ATP13A4: variants seen among roughly 807,000 people sequenced by gnomAD.
ATP13A4 encodes ATPase 13A4.
ATP13A4 carries 114 observed loss-of-function variants against 142.5 expected under a neutral mutation model. That is an observed-to-expected ratio of 0.80 (90% CI 0.69 to 0.93). The LOEUF (loss-of-function observed/expected upper bound fraction) is 0.93. ATP13A4 is among the 40% of genes least tolerant of loss of function. ATP13A4 has a pLI of 0.00. For missense variants in ATP13A4, 1,392 were observed against 1,454.0 expected, an observed-to-expected ratio of 0.96 and a Z score of 0.69; for synonymous variants, 488 against 514.8, an observed-to-expected ratio of 0.95 and a Z score of 0.70.
rs775434819 is a variant in ATP13A4 at position 193,457,227 on chromosome 3, C to T, written c.1762-74G>A. The T allele has an allele frequency of 2.5e-5, 40 of 1,591,536 alleles. No individual in the cohort carries two copies. In the East Asian group the frequency reaches 4.2e-4, roughly 17 times the overall value. ...GCTACTGGGAATTAACCACTCCTTC[C>T]GTAATATTCATTTTAACAAATAAGG... On this transcript the variant is annotated intron_variant, in intron 15 of 29. Transcript: ENST00000342695.
chr3:193,476,400 G>T (rs1448536413), intron 8 of ATP13A4, among the ~76,000 whole-genome samples: 1 of 152,060 alleles, frequency 6.6e-6, no homozygotes, highest in Non-Finnish European at 1.5e-5. Flanking sequence ...GCCTGACTCT[G>T]GATTGGGCTT....
intron 28 of ATP13A4, among the ~76,000 whole-genome samples, chr3:193,407,940 C>G (rs1048664601): frequency 1.3e-5 from 2 of 152,246 alleles, no homozygotes; most frequent in African/African-American, 4.8e-5. Context: ...CATCCAGCTG[C>G]ACAGTGTGCC....
chr3:193,488,930 C>T (rs1214335978), intron 7 of ATP13A4, among the ~76,000 whole-genome samples: 1 of 151,968 alleles, frequency 6.6e-6, no homozygotes, highest in Non-Finnish European at 1.5e-5. Flanking sequence ...CAAGCACTGG[C>T]GAAGGGCACT....
chr3:193,432,215 C>T (rs546941281), intron 25 of ATP13A4, among the ~76,000 whole-genome samples: 3 of 151,934 alleles, frequency 2.0e-5, no homozygotes, highest in Non-Finnish European at 4.4e-5. Flanking sequence ...AATGGAACCA[C>T]TACAAACCTA....
intron 2 of ATP13A4, among the ~76,000 whole-genome samples, chr3:193,576,771 G>A (rs558333385): frequency 2.0e-5 from 3 of 152,224 alleles, no homozygotes; most frequent in African/African-American, 2.4e-5. Flanking sequence ...TGAAGAACCC[G>A]ACCTGGAGGC....
intron 1 of ATP13A4, among the ~76,000 whole-genome samples, chr3:193,551,742 G>C (rs559227288): frequency 1.3e-5 from 2 of 152,274 alleles, no homozygotes; most frequent in African/African-American, 4.8e-5. Context: ...CTCCCGTCCC[G>C]TCCCAGTGCT....
chr3:193,591,755 C>CT lies in ATP13A4; in HGVS notation n.91+1265dup, dbSNP rs547183388. Among the ~76,000 whole-genome samples the CT allele has an allele frequency of 6.0e-3, 907 of 152,164 alleles. 4 individuals are homozygous for CT. The highest frequency in any genetic ancestry group is 7.6e-3 in the Non-Finnish European group (514 of 67,992). ...AAATGGTGATGGTGGTTAGTTTCTC[C>CT]TTTTTTTATGGTTAAAGTCTTTTAT... On this transcript the variant is annotated intron_variant and non_coding_transcript_variant, in intron 1 of 3. Coordinates refer to the ATP13A4 transcript ENST00000489140.
chr3:193,452,631 A>G (rs1717347152), intron 17 of ATP13A4, among the ~76,000 whole-genome samples: 1 of 149,866 alleles, frequency 6.7e-6, no homozygotes, highest in Non-Finnish European at 1.5e-5. Context: ...TGCACAATGA[A>G]TAATTATCCT....
chr3:193,543,316 A>C (rs900655420), intron 1 of ATP13A4, among the ~76,000 whole-genome samples: 30 of 152,352 alleles, frequency 2.0e-4, no homozygotes, highest in African/African-American at 7.0e-4. Flanking sequence ...GCTTCTGCAC[A>C]ACAAAAGAAA....
chr3:193,535,822 A>G (rs1722562932), intron 1 of ATP13A4, among the ~76,000 whole-genome samples: 1 of 152,150 alleles, frequency 6.6e-6, no homozygotes, highest in Admixed American at 6.5e-5. Flanking sequence ...TGGAAAATTT[A>G]AAAACAAGAA....
intron 25 of ATP13A4, among the ~76,000 whole-genome samples, chr3:193,421,601 C>G (rs1409988607): frequency 6.7e-6 from 1 of 149,534 alleles, no homozygotes; most frequent in Non-Finnish European, 1.5e-5. Flanking sequence ...ATAGTAACTA[C>G]AATACATTGT....
rs1425406815 is a variant in ATP13A4, at chr3:193,470,932, C to T, written c.870G>A (p.Gly290=). 1.9e-6 allele frequency: 3 copies of T among 1,614,134 alleles called. No homozygotes were observed. Among genetic ancestry groups the T allele is most frequent in the South Asian group, 1.1e-5 (1 of 91,088 alleles). ...CATCACATGGCATTAGCACTTTGTT[C>T]CCTGTCAAAATTAATAAATCTCCAG... The part of the protein sequence containing the change: ...LVPGDLLILT[G]NKVLMPCDAV... The change falls in exon 9 of 30, where the codon GGG becomes GGA. Residue 290 remains glycine (G), a synonymous_variant. Transcript: ENST00000342695.
intron 1 of ATP13A4, among the ~76,000 whole-genome samples, chr3:193,540,766 T>C (rs1722851091): frequency 6.6e-6 from 1 of 151,338 alleles, no homozygotes; most frequent in African/African-American, 2.4e-5. Flanking sequence ...CATAAAATCA[T>C]GCAGTATGAT....
chr3:193,557,931 A>C (rs1415238197), upstream of ATP13A4, among the ~76,000 whole-genome samples: 2 of 152,226 alleles, frequency 1.3e-5, no homozygotes, highest in Non-Finnish European at 2.9e-5. Context: ...TGTTCAGAGC[A>C]AGCCCATCAG....
At chr3:193,506,792 C>T (rs777275045) in intron 2 of ATP13A4, among the ~76,000 whole-genome samples, 3 of 152,136 alleles carry the variant, frequency 2.0e-5, no homozygotes, top group African/African-American at 4.8e-5. Context: ...CACTTCTCCT[C>T]GCTGCCAGCA....
At chr3:193,571,161 C>T (rs1724255605) in intron 2 of ATP13A4, among the ~76,000 whole-genome samples, 1 of 151,558 alleles carries the variant, frequency 6.6e-6, no homozygotes, top group African/African-American at 2.4e-5. Context: ...GCCTGTGATC[C>T]CACCTATTCA....
At chr3:193,553,349 G>C (rs143975959) in intron 1 of ATP13A4, 3 of 152,158 alleles carry the variant, frequency 2.0e-5, no homozygotes, top group African/African-American at 7.2e-5. Context: ...ATTGAGACTT[G>C]AAAGACAAAT....
At chr3:193,452,782 AT>A (rs1198478327) in intron 17 of ATP13A4, among the ~76,000 whole-genome samples, 4 of 86,438 alleles carry the variant, frequency 4.6e-5, no homozygotes, top group Non-Finnish European at 9.8e-5. Context: ...CTGTACTATT[AT>A]TATATATATA....
intron 1 of ATP13A4, among the ~76,000 whole-genome samples, chr3:193,585,525 T>A (rs1724651615): frequency 6.6e-6 from 1 of 152,140 alleles, no homozygotes; most frequent in Non-Finnish European, 1.5e-5. Flanking sequence ...TATTGTTAGT[T>A]TATTTTATGT....
Sources: gnomAD v4.1 joint callset for allele counts (sites outside exome capture counted in the v4.1 genomes callset) on GRCh38, gnomAD v4.1.1 for gene constraint, MANE v1.5 for transcripts, NCBI Gene and HGNC (gene_info 2026-07-23, HGNC 2026-07-21) for gene names.